The following NR2C2 variants were observed in gnomAD, a reference collection of about 807,000 sequenced individuals.
The protein encoded by NR2C2 is Nuclear hormone receptor TR4.
Under a neutral mutation model 62.9 loss-of-function variants are expected in NR2C2, and 6 were observed. That is an observed-to-expected ratio of 0.10 (90% CI 0.05 to 0.19). The LOEUF is 0.19. Among genes scored for constraint, NR2C2 ranks in the 10% least tolerant of loss-of-function variants. The probability of loss-of-function intolerance (pLI) is 1.00; values close to 1 mark genes in which losing one functional copy is unlikely to be tolerated. For synonymous variants in NR2C2, 272 were observed against 273.8 expected (o/e 0.99, Z 0.07); for missense variants, 479 against 762.7 (o/e 0.63, Z 4.38).
intron 1 of NR2C2, among the ~76,000 whole-genome samples, chr3:14,963,436 C>A (rs2039745389): frequency 6.6e-6 from 1 of 152,172 alleles, no homozygotes; most frequent in Admixed American, 6.5e-5. Flanking sequence ...CTACTGCAAC[C>A]AGGAGCCAAA....
intron 1 of NR2C2, among the ~76,000 whole-genome samples, chr3:14,963,343 A>T (rs1016798309): frequency 3.3e-5 from 5 of 152,152 alleles, no homozygotes; most frequent in African/African-American, 1.2e-4. Flanking sequence ...AAAATAAGTA[A>T]TTAGCCAAAG....
At chr3:15,040,251 T>C (rs941276119) in intron 13 of NR2C2, among the ~76,000 whole-genome samples, 3 of 152,178 alleles carry the variant, frequency 2.0e-5, no homozygotes, top group Non-Finnish European at 4.4e-5. Flanking sequence ...TCAGAATGCA[T>C]TGGCAGGCTT....
At chr3:14,991,686 C>G (rs945765856) in intron 1 of NR2C2, among the ~76,000 whole-genome samples, 1 of 150,770 alleles carries the variant, frequency 6.6e-6, no homozygotes, top group African/African-American at 2.4e-5. Flanking sequence ...TTTGGAAACT[C>G]TTAATATTGC....
chr3:15,011,940 C>CA (rs1349799204), intron 2 of NR2C2, among the ~76,000 whole-genome samples: 1 of 152,164 alleles, frequency 6.6e-6, no homozygotes, highest in African/African-American at 2.4e-5. Flanking sequence ...TTCTCCAGGG[C>CA]ATTTACACTG....
At chr3:15,007,026 C>T (rs890986013) in intron 2 of NR2C2, among the ~76,000 whole-genome samples, 1 of 151,980 alleles carries the variant, frequency 6.6e-6, no homozygotes, top group Non-Finnish European at 1.5e-5. Flanking sequence ...CAGCCTGCCT[C>T]GGCCTCCCAA....
chr3:14,951,981 C>T (rs574575025), intron 1 of NR2C2, among the ~76,000 whole-genome samples: 53 of 152,274 alleles, frequency 3.5e-4, no homozygotes, highest in Middle Eastern at 6.8e-3. Flanking sequence ...CTCCTGACCT[C>T]GTGATCCGCC....
intron 1 of NR2C2, among the ~76,000 whole-genome samples, chr3:14,972,972 C>T (rs1221130504): frequency 1.3e-5 from 2 of 152,114 alleles, no homozygotes; most frequent in Admixed American, 6.5e-5. Context: ...CCCATCAGGC[C>T]GCACCTCCAG....
At chr3:14,965,693 C>T (rs979030843) in intron 1 of NR2C2, among the ~76,000 whole-genome samples, 9 of 151,750 alleles carry the variant, frequency 5.9e-5, no homozygotes, top group African/African-American at 2.2e-4. Context: ...CAGAGTTTCG[C>T]TCTTGTTGCC....
intron 1 of NR2C2, among the ~76,000 whole-genome samples, chr3:14,964,681 A>ATT (rs1165766504): frequency 1.8e-4 from 25 of 139,038 alleles, no homozygotes; most frequent in African/African-American, 5.3e-4. Flanking sequence ...CACCCGGCTA[A>ATT]TTTTTTTTTT....
chr3:14,970,551 A>G lies in NR2C2; in HGVS notation c.-40+22645A>G, dbSNP rs372591856. 5.3e-5 allele frequency among the ~76,000 whole-genome samples: 8 copies of G among 152,260 alleles called. No homozygotes were observed. In the East Asian group the frequency reaches 1.5e-3, roughly 29 times the overall value. ...CCATGTCTCTGAATTTGACTTCTCT[A>G]GGTACCTTATGTAAATAGAATCATG... is the stretch of plus-strand genomic sequence containing the variant. On this transcript the variant is annotated intron_variant, in intron 1 of 13. Coordinates refer to ENST00000425241, the MANE Select transcript of NR2C2 (RefSeq NM_001291694.2).
At chr3:14,975,767 A>G (rs1219030784) in intron 1 of NR2C2, among the ~76,000 whole-genome samples, 1 of 152,142 alleles carries the variant, frequency 6.6e-6, no homozygotes, top group Non-Finnish European at 1.5e-5. Flanking sequence ...TTTCTAGAAG[A>G]GTTTAAGAAG....
At chr3:14,994,439 CTTTTTTTTTT>C (rs4038325) in intron 1 of NR2C2, among the ~76,000 whole-genome samples, 3 of 89,586 alleles carry the variant, frequency 3.3e-5, no homozygotes, top group African/African-American at 4.6e-5. Flanking sequence ...TTTATTCATT[CTTTTTTTTTT>C]TTTTTTTTTT....
intron 1 of NR2C2, among the ~76,000 whole-genome samples, chr3:14,983,513 T>C (rs1022062366): frequency 6.6e-6 from 1 of 151,454 alleles, no homozygotes; most frequent in Admixed American, 6.6e-5. Flanking sequence ...TTTGCTAACA[T>C]TTTGTTTAGG....
chr3:14,966,216 G>A (rs1425459160), intron 1 of NR2C2, among the ~76,000 whole-genome samples: 1 of 152,186 alleles, frequency 6.6e-6, no homozygotes, highest in Non-Finnish European at 1.5e-5. Flanking sequence ...GAGCATACCA[G>A]TTTCCTTCCC....
intron 1 of NR2C2, among the ~76,000 whole-genome samples, chr3:14,991,082 CAAG>C (rs2040657686): frequency 6.6e-6 from 1 of 152,052 alleles, no homozygotes. Flanking sequence ...TTTTTTGTGA[CAAG>C]AAATTTAGCG....
At chr3:15,029,853 C>CA in intron 8 of NR2C2, among the ~76,000 whole-genome samples, 1 of 122,290 alleles carries the variant, frequency 8.2e-6, no homozygotes, top group Non-Finnish European at 1.8e-5. Flanking sequence ...ATAGATAGAC[C>CA]CCATCTCTGA....
rs116822575 is a variant in NR2C2, at chr3:14,982,159, G to A, written c.-39-21717G>A. Among the ~76,000 whole-genome samples the A allele has an allele frequency of 3.8e-3, 580 of 152,196 alleles. 6 individuals carry two copies. Among genetic ancestry groups the A allele is most frequent in the African/African-American group, 0.013 (534 of 41,522 alleles). On this transcript the variant is annotated intron_variant, in intron 1 of 13. Transcript: ENST00000425241. ...GTAGCTCACTGCAGCCTCACTCTTG[G>A]GCTCAAGCAGTCCTTCCACCTCACC...
At chr3:14,948,655 G>C (rs2039230186) in intron 1 of NR2C2, 1 of 153,082 alleles carries the variant, frequency 6.5e-6, no homozygotes, top group Non-Finnish European at 1.5e-5. Flanking sequence ...CCTGGTCTTG[G>C]GTCAGCAGGT....
chr3:14,959,664 A>G (rs2039635917), intron 1 of NR2C2: 1 of 152,188 alleles, frequency 6.6e-6, no homozygotes, highest in African/African-American at 2.4e-5. Context: ...GTGTATAAAG[A>G]AAGGTTGCTG....
Sources: gnomAD v4.1 joint callset for allele counts (sites outside exome capture counted in the v4.1 genomes callset) on GRCh38, gnomAD v4.1.1 for gene constraint, MANE v1.5 for transcripts, NCBI Gene and HGNC (gene_info 2026-07-23, HGNC 2026-07-21) for gene names.